POU6F2: variants seen among roughly 807,000 people sequenced by gnomAD.
POU6F2 encodes the protein POU class 6 homeobox 2.
POU6F2 carries 31 observed loss-of-function variants against 71.3 expected under a neutral mutation model. The observed-to-expected ratio is 0.43, with a 90% CI of 0.33 to 0.59. The LOEUF (loss-of-function observed/expected upper bound fraction) is 0.59. Among genes scored for constraint, POU6F2 ranks in the 20% least tolerant of loss-of-function variants. The pLI, the probability that POU6F2 is intolerant of heterozygous loss-of-function variation, is 0.04. For synonymous variants in POU6F2, 347 were observed against 355.7 expected (o/e 0.98, Z 0.27); for missense variants, 783 against 856.8 (o/e 0.91, Z 1.07).
At chr7:39,054,049 C>T (rs1234665297) in intron 1 of POU6F2, among the ~76,000 whole-genome samples, 1 of 151,704 alleles carries the variant, frequency 6.6e-6, no homozygotes, top group Non-Finnish European at 1.5e-5. Context: ...TTGCAGTGAG[C>T]CGAGATCATG....
At chr7:39,321,473 A>G (rs1460915710) in intron 4 of POU6F2, among the ~76,000 whole-genome samples, 1 of 152,206 alleles carries the variant, frequency 6.6e-6, no homozygotes, top group Non-Finnish European at 1.5e-5. Context: ...CCAGAAGAAT[A>G]TTGGGAGCTA....
intron 4 of POU6F2, among the ~76,000 whole-genome samples, chr7:39,296,010 A>AT (rs1244792314): frequency 6.6e-6 from 1 of 152,214 alleles, no homozygotes; most frequent in African/African-American, 2.4e-5. Context: ...ATGGGAGTGC[A>AT]TTTATCACAT....
At chr7:39,283,227 A>G (rs1260016323) in intron 4 of POU6F2, among the ~76,000 whole-genome samples, 1 of 152,178 alleles carries the variant, frequency 6.6e-6, no homozygotes, top group African/African-American at 2.4e-5. Context: ...ATCCATAAAT[A>G]CGGACAATTT....
chr7:38,981,968 A>G (rs1388792385), intron 1 of POU6F2, among the ~76,000 whole-genome samples: 3 of 152,200 alleles, frequency 2.0e-5, no homozygotes, highest in Non-Finnish European at 2.9e-5. Context: ...TGTTTATACC[A>G]TCCCTTGTTC....
intron 2 of POU6F2, among the ~76,000 whole-genome samples, chr7:39,192,131 A>G (rs1390607082): frequency 1.3e-5 from 2 of 152,182 alleles, no homozygotes; most frequent in Admixed American, 1.3e-4. Context: ...TAGAAGCTCT[A>G]TTACCATAAG....
At chr7:39,016,391 A>T (rs1789549214) in intron 1 of POU6F2, among the ~76,000 whole-genome samples, 1 of 151,702 alleles carries the variant, frequency 6.6e-6, no homozygotes, top group Admixed American at 6.6e-5. Context: ...TACAGCATCC[A>T]TGTGTTTGAT....
intron 4 of POU6F2, among the ~76,000 whole-genome samples, chr7:39,265,430 A>T (rs1212595685): frequency 6.6e-6 from 1 of 152,112 alleles, no homozygotes; most frequent in African/African-American, 2.4e-5. Flanking sequence ...CCTAACCCAC[A>T]TTATTATTAC....
intron 5 of POU6F2, 84 bp downstream of exon 5, chr7:39,340,099 CCA>C (rs5883685): frequency 0.55 from 797,175 of 1,452,506 alleles, 221,681 homozygotes; most frequent in East Asian, 0.75. Flanking sequence ...GGCAGAGGGA[CCA>C]CACAAAACTT....
chr7:39,403,201 TTC>T (rs1371969320), intron 5 of POU6F2, among the ~76,000 whole-genome samples: 2 of 152,230 alleles, frequency 1.3e-5, no homozygotes, highest in Non-Finnish European at 2.9e-5. Flanking sequence ...CAAAAAATTA[TTC>T]TGTTGTTGTA....
intron 5 of POU6F2, among the ~76,000 whole-genome samples, chr7:39,378,135 A>G (rs1258499733): frequency 6.6e-6 from 1 of 152,194 alleles, no homozygotes; most frequent in African/African-American, 2.4e-5. Context: ...ACTGACCACT[A>G]CCTTGGAAGA....
At chr7:39,111,512 G>T (rs564459147) in intron 2 of POU6F2, among the ~76,000 whole-genome samples, 1 of 151,946 alleles carries the variant, frequency 6.6e-6, no homozygotes, top group South Asian at 2.1e-4. Flanking sequence ...TGTTGTTAAT[G>T]GTTCTCTGCA....
At chr7:39,249,527 A>T (rs1053454964) in intron 4 of POU6F2, among the ~76,000 whole-genome samples, 2 of 152,236 alleles carry the variant, frequency 1.3e-5, no homozygotes, top group African/African-American at 4.8e-5. Flanking sequence ...TTTATAAAAC[A>T]TAAAGGACTA....
At chr7:39,025,654 A>C (rs1789784051) in intron 1 of POU6F2, among the ~76,000 whole-genome samples, 1 of 151,494 alleles carries the variant, frequency 6.6e-6, no homozygotes, top group African/African-American at 2.4e-5. Flanking sequence ...CCCTAAAAGA[A>C]AACCTAGGCA....
At chr7:39,168,295 T>C (rs950830202) in intron 2 of POU6F2, among the ~76,000 whole-genome samples, 7 of 152,218 alleles carry the variant, frequency 4.6e-5, no homozygotes, top group African/African-American at 1.7e-4. Flanking sequence ...ATTTGCAGCA[T>C]CATGACAACC....
At chr7:39,117,815 T>G (rs991402766) in intron 2 of POU6F2, among the ~76,000 whole-genome samples, 1 of 152,036 alleles carries the variant, frequency 6.6e-6, no homozygotes, top group Non-Finnish European at 1.5e-5. Context: ...TGAGCAACTC[T>G]CCCCCACCTA....
chr7:39,013,799 G>C (rs10251322), intron 1 of POU6F2, among the ~76,000 whole-genome samples: 11,205 of 152,128 alleles, frequency 0.074, 564 homozygotes, highest in African/African-American at 0.14. Context: ...GGAGGAAATA[G>C]TTGTAATATG....
At chr7:39,026,411 T>C (rs1353830757) in intron 1 of POU6F2, among the ~76,000 whole-genome samples, 1 of 152,132 alleles carries the variant, frequency 6.6e-6, no homozygotes, top group African/African-American at 2.4e-5. Context: ...CATGGAATCC[T>C]ATGCAGCCAT....
intron 4 of POU6F2, among the ~76,000 whole-genome samples, chr7:39,245,714 G>C (rs1307938564): frequency 6.6e-6 from 1 of 152,176 alleles, no homozygotes. Context: ...AACCTTAGAG[G>C]TCTCCAGTAT....
chr7:39,023,544 C>G (rs1006844255), intron 1 of POU6F2, among the ~76,000 whole-genome samples: 1 of 151,984 alleles, frequency 6.6e-6, no homozygotes, highest in Non-Finnish European at 1.5e-5. Flanking sequence ...GACAGTCTCC[C>G]TACAATGTAG....
Sources: allele counts gnomAD v4.1 joint callset (sites outside exome capture counted in the v4.1 genomes callset), GRCh38; gene constraint gnomAD v4.1.1; transcripts MANE v1.5; gene names NCBI Gene and HGNC (gene_info 2026-07-23, HGNC 2026-07-21).